The following TRPC5 variants were observed in gnomAD, a reference collection of about 807,000 sequenced individuals.
TRPC5 encodes the protein transient receptor potential cation channel subfamily C member 5, also known as short transient receptor potential channel 5.
A neutral mutation model predicts 56.5 loss-of-function variants in TRPC5; 9 were observed. The observed-to-expected ratio is 0.16, with a 90% CI of 0.10 to 0.28. TRPC5 has a LOEUF of 0.28. Among genes scored for constraint, TRPC5 ranks in the 10% least tolerant of loss-of-function variants. The pLI is 1.00. For missense variants in TRPC5, 469 were observed against 748.9 expected (o/e 0.63, Z 4.36); for synonymous variants, 282 against 278.5 (o/e 1.01, Z -0.13).
chrX:111,968,106 TAAACTC>T (rs1234268351), intron 1 of TRPC5, among the ~76,000 whole-genome samples: 2 of 105,537 alleles, frequency 1.9e-5, no homozygotes, highest in African/African-American at 7.7e-5. Flanking sequence ...GAATCTACAA[TAAACTC>T]AAACAAATTT....
At chrX:111,944,916 C>T (rs774240075) in intron 2 of TRPC5, among the ~76,000 whole-genome samples, 1 of 111,060 alleles carries the variant, frequency 9.0e-6, no homozygotes, top group South Asian at 3.9e-4. Context: ...TGAGAGAAGA[C>T]ATTTTTGTTG....
At chrX:111,954,108 A>G (rs1347076144) in intron 1 of TRPC5, among the ~76,000 whole-genome samples, 1 of 112,527 alleles carries the variant, frequency 8.9e-6, no homozygotes, top group Non-Finnish European at 1.9e-5. Flanking sequence ...AACAAACAGC[A>G]CTTAGAGTAA....
At chrX:112,027,315 G>C (rs1929439585) in intron 1 of TRPC5, among the ~76,000 whole-genome samples, 1 of 111,524 alleles carries the variant, frequency 9.0e-6, no homozygotes, top group Non-Finnish European at 1.9e-5. Context: ...TGCATGATTG[G>C]GAAGTTCTGT....
chrX:111,935,327 T>C (rs1357559143), intron 2 of TRPC5, among the ~76,000 whole-genome samples: 1 of 112,243 alleles, frequency 8.9e-6, no homozygotes, highest in Non-Finnish European at 1.9e-5. Context: ...TCGTTTTTTT[T>C]CCTAGAGAGT....
intron 1 of TRPC5, among the ~76,000 whole-genome samples, chrX:111,996,413 C>A (rs926300036): frequency 2.7e-5 from 3 of 111,544 alleles, no homozygotes; most frequent in African/African-American, 9.8e-5. Flanking sequence ...ATTATGTGGT[C>A]AATTTTAGAA....
At chrX:112,071,014 C>A (rs1438879572) in intron 1 of TRPC5, among the ~76,000 whole-genome samples, 1 of 111,483 alleles carries the variant, frequency 9.0e-6, no homozygotes, top group Non-Finnish European at 1.9e-5. Context: ...ATAAGTGACT[C>A]ATTCCTGTAA....
In TRPC5 at chrX:111,957,349, G is replaced by A. The variant is rs149602763; in HGVS notation, c.-21-4908C>T. ...ATTTGCAGTAGTTTGTTTTTCATGTGTATAAATCTTGTCAATCTAATTATT... is the reference window on the plus strand; with the variant it reads ...ATTTGCAGTAGTTTGTTTTTCATGTATATAAATCTTGTCAATCTAATTATT... On this transcript the variant is annotated intron_variant, in intron 1 of 10. Transcript: ENST00000262839. Among the ~76,000 whole-genome samples, 971 of 112,066 alleles carry A rather than the reference G, an allele frequency of 8.7e-3. 13 individuals carry two copies. Among genetic ancestry groups the A allele is most frequent in the African/African-American group, 0.029 (905 of 30,903 alleles).
intron 1 of TRPC5, among the ~76,000 whole-genome samples, chrX:111,972,420 G>A (rs1328088470): frequency 8.9e-6 from 1 of 112,296 alleles, no homozygotes; most frequent in Non-Finnish European, 1.9e-5. Context: ...AGTAGGCATT[G>A]AGAGGTTGCC....
In TRPC5 at chrX:111,776,251, C is replaced by A; in HGVS notation, c.*62G>T. On this transcript the variant is annotated 3_prime_UTR_variant, in exon 11 of 11. Transcript: ENST00000262839. Reference sequence around the variant, plus strand: ...GTGAGGGAATCATATTCTGTGTCACCTCTGAGAGCAAGGAAATTACAGATT... The same window carrying A: ...GTGAGGGAATCATATTCTGTGTCACATCTGAGAGCAAGGAAATTACAGATT... The A allele has an allele frequency of 9.4e-7, 1 of 1,067,660 alleles. No individual in the cohort carries two copies. The highest frequency in any genetic ancestry group is 3.0e-5 in the Admixed American group (1 of 33,012). The allele number at this position is 1,067,660 out of a possible 1,213,427, so 88.0% of individuals were successfully genotyped here.
intron 3 of TRPC5, among the ~76,000 whole-genome samples, chrX:111,892,829 C>G (rs1382821535): frequency 1.8e-5 from 2 of 111,678 alleles, no homozygotes; most frequent in African/African-American, 6.5e-5. Flanking sequence ...CTTCCATGGG[C>G]AGCTATTCAC....
intron 3 of TRPC5, among the ~76,000 whole-genome samples, chrX:111,893,647 C>CT (rs1476413364): frequency 1.8e-5 from 2 of 111,466 alleles, no homozygotes; most frequent in African/African-American, 6.5e-5. Context: ...CCTACTCCCC[C>CT]TTTTTTTAGT....
Position 111,771,252 on chromosome X carries a change from G to C in TRPC5, c.*5061C>G, listed in dbSNP as rs182474313. On this transcript the variant is annotated 3_prime_UTR_variant, in exon 11 of 11. Transcript: ENST00000262839. The stretch of plus-strand genomic sequence containing the variant: ...TGTGTAGTAACAGGAAGCCTCTAGA[G>C]CTTTCACATCTTTTCACATCATATA... Among the ~76,000 whole-genome samples, 252 of 111,903 alleles carry C rather than the reference G, an allele frequency of 2.3e-3. 2 individuals are homozygous for C. Among genetic ancestry groups the C allele is most frequent in the African/African-American group, 7.4e-3 (228 of 30,843 alleles).
chrX:111,778,933 T>G, intron 10 of TRPC5, 52 bp downstream of exon 10: 1 of 920,393 alleles, frequency 1.1e-6, no homozygotes, highest in Non-Finnish European at 1.5e-6. Flanking sequence ...CTGTGAAGAT[T>G]AAATGATGCT....
At chrX:111,778,314 A>G (rs1012734586) in intron 10 of TRPC5, among the ~76,000 whole-genome samples, 4 of 111,442 alleles carry the variant, frequency 3.6e-5, no homozygotes, top group African/African-American at 1.3e-4. Context: ...TAAAAAATAT[A>G]TATATAGATG....
At chrX:112,056,483 T>C (rs886994446) in intron 1 of TRPC5, among the ~76,000 whole-genome samples, 1 of 112,564 alleles carries the variant, frequency 8.9e-6, no homozygotes, top group Non-Finnish European at 1.9e-5. Context: ...TTAGAACCAA[T>C]TATCCAGCTG....
intron 3 of TRPC5, among the ~76,000 whole-genome samples, chrX:111,899,385 A>G (rs753494155): frequency 8.9e-6 from 1 of 111,964 alleles, no homozygotes; most frequent in Non-Finnish European, 1.9e-5. Context: ...TGAATCAAAT[A>G]TAATTTATTC....
intron 1 of TRPC5, among the ~76,000 whole-genome samples, chrX:111,993,815 T>C (rs918755376): frequency 8.9e-6 from 1 of 112,171 alleles, no homozygotes; most frequent in Non-Finnish European, 1.9e-5. Context: ...CTTTGTCAGA[T>C]GGGTAGATGG....
chrX:111,977,273 T>C (rs1927956058), intron 1 of TRPC5, among the ~76,000 whole-genome samples: 1 of 111,327 alleles, frequency 9.0e-6, no homozygotes, highest in Admixed American at 9.6e-5. Flanking sequence ...GGTACCAGCA[T>C]AAAAGTAGAC....
chrX:112,056,841 C>A (rs1433722664), intron 1 of TRPC5, among the ~76,000 whole-genome samples: 3 of 112,421 alleles, frequency 2.7e-5, no homozygotes, highest in Non-Finnish European at 5.6e-5. Context: ...GCATTTACAG[C>A]CAACCATTGA....
Sources: gnomAD v4.1 joint callset for allele counts (sites outside exome capture counted in the v4.1 genomes callset) on GRCh38, gnomAD v4.1.1 for gene constraint, MANE v1.5 for transcripts, NCBI Gene and HGNC (gene_info 2026-07-23, HGNC 2026-07-21) for gene names.